Variants in MPC2 observed in about 807,000 individuals in gnomAD.
The protein encoded by MPC2 is mitochondrial pyruvate carrier 2, also known as brain protein 44.
In MPC2, 19 loss-of-function variants were observed where a neutral mutation model predicts 19.2. The ratio of observed to expected loss-of-function variants is 0.99; its 90% CI spans 0.69 to 1.45. The LOEUF (loss-of-function observed/expected upper bound fraction) is 1.45. Ranked by LOEUF, MPC2 falls within the 40% of genes most tolerant of loss-of-function variation. The probability of loss-of-function intolerance (pLI) is 0.00; values close to 1 mark genes in which losing one functional copy is unlikely to be tolerated. For missense variants in MPC2, 122 were observed against 153.0 expected, an observed-to-expected ratio of 0.80 and a Z score of 1.07; for synonymous variants, 61 against 54.3, an observed-to-expected ratio of 1.12 and a Z score of -0.54.
At chr1:167,935,185 T>TA (rs1287290100) in intron 2 of MPC2, among the ~76,000 whole-genome samples, 2 of 152,192 alleles carry the variant, frequency 1.3e-5, no homozygotes, top group South Asian at 4.2e-4. Context: ...AGGATAGACT[T>TA]AAAAAAACAC....
intron 2 of MPC2, among the ~76,000 whole-genome samples, chr1:167,932,908 T>C (rs1414238121): frequency 6.6e-6 from 1 of 151,906 alleles, no homozygotes; most frequent in African/African-American, 2.4e-5. Flanking sequence ...AGTACAGCTA[T>C]GCAACTGGCT....
intron 5 of MPC2, among the ~76,000 whole-genome samples, chr1:167,919,237 A>G (rs1220249441): frequency 6.6e-6 from 1 of 152,168 alleles, no homozygotes; most frequent in African/African-American, 2.4e-5. Context: ...CATTTCCTCA[A>G]TTCTCAATCC....
chr1:167,936,814 T>G, intron 1 of MPC2, 125 bp downstream of exon 1: 1 of 1,102,516 alleles, frequency 9.1e-7, no homozygotes, highest in African/African-American at 1.6e-5. Flanking sequence ...GGCGCGCGGA[T>G]GGTGCCGGTG....
chr1:167,926,588 TTGCCCCAACTGTGG>T (rs1670760444), intron 2 of MPC2, among the ~76,000 whole-genome samples: 1 of 152,234 alleles, frequency 6.6e-6, no homozygotes, highest in Non-Finnish European at 1.5e-5. Flanking sequence ...GCATTTTTAG[TTGCCCCAACTGTGG>T]TGCCCCAACT....
intron 2 of MPC2, among the ~76,000 whole-genome samples, chr1:167,931,179 G>C (rs141447306): frequency 6.6e-6 from 1 of 152,180 alleles, no homozygotes; most frequent in Admixed American, 6.5e-5. Context: ...TGATCCACAC[G>C]CCTCGGCCTC....
chr1:167,936,855 C>T (rs375341166), intron 1 of MPC2, 84 bp downstream of exon 1: 4 of 1,391,960 alleles, frequency 2.9e-6, no homozygotes, highest in East Asian at 2.5e-5. Flanking sequence ...GTGTCCCCTC[C>T]CCCTCCTCCC....
At chr1:167,927,735 T>G (rs1183998917) in intron 2 of MPC2, among the ~76,000 whole-genome samples, 1 of 152,214 alleles carries the variant, frequency 6.6e-6, no homozygotes, top group African/African-American at 2.4e-5. Flanking sequence ...CTAAACTGCC[T>G]AGAGCTAGGT....
intron 3 of MPC2, among the ~76,000 whole-genome samples, chr1:167,923,158 C>T (rs920924324): frequency 3.3e-5 from 5 of 152,076 alleles, no homozygotes; most frequent in African/African-American, 9.7e-5. Context: ...AAATATTAAG[C>T]AGAATTATCA....
At chr1:167,932,680 A>G (rs1401557721) in intron 2 of MPC2, among the ~76,000 whole-genome samples, 1 of 151,912 alleles carries the variant, frequency 6.6e-6, no homozygotes, top group African/African-American at 2.4e-5. Context: ...ATGGTGGCAC[A>G]TGCCTGTAAT....
At chr1:167,922,171 C>T (rs1015602535) in intron 3 of MPC2, among the ~76,000 whole-genome samples, 5 of 152,124 alleles carry the variant, frequency 3.3e-5, no homozygotes, top group African/African-American at 1.2e-4. Flanking sequence ...GTCTCCCCAC[C>T]AGAGAACAAA....
Position 167,935,830 on chromosome 1 carries a change from G to C in MPC2, c.12C>G (p.Ala4=), listed in dbSNP as rs376625019. 473 of 1,551,680 alleles carry C rather than the reference G, an allele frequency of 3.0e-4. 1 individual carries two copies. The highest frequency in any genetic ancestry group is 3.8e-4 in the Non-Finnish European group (437 of 1,148,168). Reference sequence around the variant, plus strand: ...AGGTGGCCCGCAGGCCTCGGGCACCGGCGGCCGACATCGCCGCCGAGGGAT... The same window carrying C: ...AGGTGGCCCGCAGGCCTCGGGCACCCGCGGCCGACATCGCCGCCGAGGGAT... MSA[A]GARGLRATYH... The change falls in exon 2 of 6, where the codon GCC becomes GCG. Residue 4 remains alanine (A), a synonymous_variant. Transcript: ENST00000271373.
chr1:167,936,378 A>G (rs1401721748), intron 1 of MPC2: 2 of 177,104 alleles, frequency 1.1e-5, no homozygotes, highest in South Asian at 1.2e-4. Flanking sequence ...ATGCCGCACA[A>G]TTCTCTTGCT....
rs766462490 is a variant in MPC2 at position 167,924,400 on chromosome 1, A to C, written c.150+97T>G. 5 of 982,040 alleles carry C rather than the reference A, an allele frequency of 5.1e-6. No individual in the cohort carries two copies. The African/African-American group carries it at 8.5e-5, about 17-fold the overall frequency. 60.8% of individuals were successfully genotyped at this position (982,040 alleles called of 1,614,324 possible). The stretch of plus-strand genomic sequence containing the variant: ...AATCATCTAGAGGCATACCAAGAAT[A>C]CTCTAAAGTATATCCTTCATAAAAG... On this transcript the variant is annotated intron_variant, in intron 3 of 5. Transcript: ENST00000271373.
intron 2 of MPC2, among the ~76,000 whole-genome samples, chr1:167,928,086 T>C (rs187484271): frequency 1.5e-3 from 234 of 152,266 alleles, no homozygotes; most frequent in Admixed American, 4.3e-3. Flanking sequence ...CGGTGGCTCA[T>C]GCCTGTAATC....
chr1:167,928,346 G>A lies in MPC2; in HGVS notation c.110-3809C>T, dbSNP rs534999590. 1.7e-4 allele frequency among the ~76,000 whole-genome samples: 25 copies of A among 149,902 alleles called. 1 individual carries two copies. The South Asian group carries it at 4.4e-3, about 26-fold the overall frequency. Reference sequence around the variant, plus strand: ...AAAAAAAAAAAAAAAGTCACACAATGGGTTAACAAAATTTTAAAGAAAACT... The same window carrying A: ...AAAAAAAAAAAAAAAGTCACACAATAGGTTAACAAAATTTTAAAGAAAACT... On this transcript the variant is annotated intron_variant, in intron 2 of 5. Coordinates refer to ENST00000271373, the MANE Select transcript of MPC2 (RefSeq NM_001143674.4).
At chr1:167,925,675 T>G (rs978513936) in intron 2 of MPC2, among the ~76,000 whole-genome samples, 1 of 151,168 alleles carries the variant, frequency 6.6e-6, no homozygotes, top group Non-Finnish European at 1.5e-5. Context: ...GCCTCCCAAG[T>G]AGCTGGGATT....
intron 2 of MPC2, among the ~76,000 whole-genome samples, chr1:167,934,252 G>A (rs920701841): frequency 2.6e-5 from 4 of 152,092 alleles, no homozygotes; most frequent in Admixed American, 2.0e-4. Flanking sequence ...CTCCAATTTT[G>A]TATTATTTTA....
chr1:167,928,791 T>G (rs1052274067), intron 2 of MPC2, among the ~76,000 whole-genome samples: 2 of 152,184 alleles, frequency 1.3e-5, no homozygotes, highest in Admixed American at 6.5e-5. Flanking sequence ...AAGTATAAAC[T>G]AACAGATACC....
In MPC2 at chr1:167,928,458, C is replaced by T. The variant is rs570981979; in HGVS notation, c.110-3921G>A. On this transcript the variant is annotated intron_variant, in intron 2 of 5. Coordinates refer to ENST00000271373, the MANE Select transcript of MPC2 (RefSeq NM_001143674.4). The stretch of plus-strand genomic sequence containing the variant: ...AGAGTAAATAATATGTCAAATAAAG[C>T]TAGACAGGTAAATTTAGACATATAT... 7.9e-5 allele frequency among the ~76,000 whole-genome samples: 12 copies of T among 151,996 alleles called. No individual in the cohort carries two copies. The South Asian group carries it at 2.1e-3, about 26-fold the overall frequency.
Sources: gnomAD v4.1 joint callset for allele counts (sites outside exome capture counted in the v4.1 genomes callset) on GRCh38, gnomAD v4.1.1 for gene constraint, MANE v1.5 for transcripts, NCBI Gene and HGNC (gene_info 2026-07-23, HGNC 2026-07-21) for gene names.